FRMD5: variants seen among roughly 807,000 people sequenced by gnomAD.
FRMD5 encodes FERM domain containing 5.
FRMD5 carries 20 observed loss-of-function variants against 69.0 expected under a neutral mutation model. That is an observed-to-expected ratio of 0.29 (90% CI 0.20 to 0.42). FRMD5 has a LOEUF of 0.42. FRMD5 is among the 10% of genes least tolerant of loss of function. FRMD5 has a pLI of 1.00. For synonymous variants in FRMD5, 271 were observed against 260.1 expected, an observed-to-expected ratio of 1.04 and a Z score of -0.40; for missense variants, 595 against 708.6, an observed-to-expected ratio of 0.84 and a Z score of 1.82.
Position 43,873,450 on chromosome 15 carries a change from C to T in FRMD5, c.*435G>A, listed in dbSNP as rs1029018346. ...AACCCAGTGGCACCAGCAGGAAAAG[C>T]TCCTGCAGAATACAGAGGACAGCAG... On this transcript the variant is annotated 3_prime_UTR_variant, in exon 14 of 14. Transcript: ENST00000417257. 7.0e-6 allele frequency: 10 copies of T among 1,430,086 alleles called. No individual in the cohort carries two copies. In the African/African-American group the frequency reaches 1.3e-4, roughly 18 times the overall value. The allele number at this position is 1,430,086 out of a possible 1,614,324, so 88.6% of individuals were successfully genotyped here.
At chr15:43,912,815 C>T (rs943579767) in intron 4 of FRMD5, among the ~76,000 whole-genome samples, 10 of 147,426 alleles carry the variant, frequency 6.8e-5, no homozygotes, top group South Asian at 4.3e-4. Context: ...GTCAAGAGTT[C>T]GAGACCACCA....
In FRMD5 at chr15:44,112,747, C is replaced by T. The variant is rs146484655; in HGVS notation, c.102+82206G>A. 7.0e-3 allele frequency among the ~76,000 whole-genome samples: 1,069 copies of T among 152,172 alleles called. 10 individuals carry two copies. Among genetic ancestry groups the T allele is most frequent in the African/African-American group, 0.025 (1,020 of 41,512 alleles). On this transcript the variant is annotated intron_variant, in intron 1 of 13. Transcript: ENST00000417257. ...CCTCCCAAAGTGCTAGGATTACAGGCCTGAGCCACCGCGCCTGGCCTGTAT... is the reference window on the plus strand; with the variant it reads ...CCTCCCAAAGTGCTAGGATTACAGGTCTGAGCCACCGCGCCTGGCCTGTAT...
intron 1 of FRMD5, among the ~76,000 whole-genome samples, chr15:44,013,307 C>T (rs1890809280): frequency 2.0e-5 from 3 of 152,090 alleles, no homozygotes; most frequent in Admixed American, 2.0e-4. Flanking sequence ...CTGAGAGGCT[C>T]ACTTGAGCCC....
intron 1 of FRMD5, among the ~76,000 whole-genome samples, chr15:44,063,332 T>C (rs1240062268): frequency 6.6e-6 from 1 of 152,258 alleles, no homozygotes; most frequent in Non-Finnish European, 1.5e-5. Context: ...TCATTTCAGT[T>C]GTCAAATTTA....
chr15:43,977,570 T>C (rs1364293135), intron 1 of FRMD5, among the ~76,000 whole-genome samples: 1 of 152,102 alleles, frequency 6.6e-6, no homozygotes, highest in African/African-American at 2.4e-5. Context: ...AAATAAACTT[T>C]TGAAAAAAAT....
At chr15:44,121,982 G>A (rs1462953847) in intron 1 of FRMD5, among the ~76,000 whole-genome samples, 4 of 117,880 alleles carry the variant, frequency 3.4e-5, no homozygotes, top group Non-Finnish European at 3.4e-5. Context: ...GTGACAAAGG[G>A]AGACTCAAAA....
chr15:43,950,110 A>G (rs1388620005), intron 1 of FRMD5, among the ~76,000 whole-genome samples: 1 of 152,130 alleles, frequency 6.6e-6, no homozygotes, highest in African/African-American at 2.4e-5. Context: ...TCTGGTTACA[A>G]ATTCAGGCCC....
intron 1 of FRMD5, among the ~76,000 whole-genome samples, chr15:43,969,345 G>A (rs1317664585): frequency 6.6e-6 from 1 of 152,122 alleles, no homozygotes; most frequent in Non-Finnish European, 1.5e-5. Flanking sequence ...GCCTCCCAAA[G>A]TTTTGCTGGG....
At chr15:43,910,628 G>A (rs2140420510) in intron 4 of FRMD5, among the ~76,000 whole-genome samples, 1 of 133,180 alleles carries the variant, frequency 7.5e-6, no homozygotes, top group South Asian at 2.5e-4. Flanking sequence ...GGTGAAAGAA[G>A]CACACAAATG....
At chr15:43,938,518 T>C (rs2089803583) in intron 1 of FRMD5, among the ~76,000 whole-genome samples, 1 of 152,208 alleles carries the variant, frequency 6.6e-6, no homozygotes. Flanking sequence ...CATCCTTCTA[T>C]GCAGCTTTGG....
chr15:43,903,874 T>A (rs563486665), intron 6 of FRMD5, among the ~76,000 whole-genome samples: 101 of 152,316 alleles, frequency 6.6e-4, no homozygotes, highest in African/African-American at 2.2e-3. Flanking sequence ...CTCCAGGCAG[T>A]TCCAGCACAT....
At chr15:44,149,587 A>G (rs2077411281) in intron 1 of FRMD5, among the ~76,000 whole-genome samples, 1 of 152,162 alleles carries the variant, frequency 6.6e-6, no homozygotes, top group Non-Finnish European at 1.5e-5. Context: ...ATATATAGTC[A>G]CCATAAGAGA....
At chr15:44,124,933 G>A (rs1258859807) in intron 1 of FRMD5, among the ~76,000 whole-genome samples, 1 of 152,060 alleles carries the variant, frequency 6.6e-6, no homozygotes, top group Non-Finnish European at 1.5e-5. Flanking sequence ...AGACCAGCCT[G>A]GGCAATATAG....
chr15:43,896,727 C>T (rs967910471), intron 7 of FRMD5, among the ~76,000 whole-genome samples: 4 of 152,354 alleles, frequency 2.6e-5, no homozygotes, highest in African/African-American at 9.6e-5. Context: ...GAGTAGGCAA[C>T]ACAGCATTCT....
chr15:44,025,907 C>T (rs1040361688), intron 1 of FRMD5, among the ~76,000 whole-genome samples: 11 of 152,194 alleles, frequency 7.2e-5, no homozygotes, highest in African/African-American at 2.4e-4. Flanking sequence ...CACCTTTTCT[C>T]ATTCACTTTA....
At chr15:44,183,986 A>T (rs2078057514) in intron 1 of FRMD5, among the ~76,000 whole-genome samples, 1 of 152,034 alleles carries the variant, frequency 6.6e-6, no homozygotes, top group Non-Finnish European at 1.5e-5. Flanking sequence ...CAAAAAAAAA[A>T]AAAAAGATCT....
chr15:43,918,552 G>A (rs2089437512), intron 4 of FRMD5, among the ~76,000 whole-genome samples: 1 of 152,114 alleles, frequency 6.6e-6, no homozygotes, highest in South Asian at 2.1e-4. Flanking sequence ...CGTCTATATG[G>A]CTGGCAATAT....
intron 1 of FRMD5, among the ~76,000 whole-genome samples, chr15:43,976,248 T>TA (rs529229550): frequency 1.3e-5 from 2 of 151,992 alleles, no homozygotes; most frequent in Admixed American, 1.3e-4. Flanking sequence ...ACACAACCCA[T>TA]AAAAAACAAA....
At chr15:44,198,579 G>A (rs2078324732), upstream of FRMD5, among the ~76,000 whole-genome samples, 1 of 152,014 alleles carries the variant, frequency 6.6e-6, no homozygotes, top group Non-Finnish European at 1.5e-5. Flanking sequence ...AACTAGAAAG[G>A]AAGGGCTCAT....
Sources: allele counts gnomAD v4.1 joint callset (sites outside exome capture counted in the v4.1 genomes callset), GRCh38; gene constraint gnomAD v4.1.1; transcripts MANE v1.5; gene names NCBI Gene and HGNC (gene_info 2026-07-23, HGNC 2026-07-21).